The following ZNF652 variants were observed in gnomAD, a reference collection of about 807,000 sequenced individuals.
ZNF652 encodes the protein zinc finger protein 652.
A neutral mutation model predicts 45.2 loss-of-function variants in ZNF652; 16 were observed. The ratio of observed to expected loss-of-function variants is 0.35; its 90% CI spans 0.24 to 0.54. The LOEUF (loss-of-function observed/expected upper bound fraction) is 0.54. ZNF652 is among the 20% of genes least tolerant of loss of function. ZNF652 has a pLI of 0.91. For missense variants in ZNF652, 614 were observed against 765.6 expected (o/e 0.80, Z 2.34); for synonymous variants, 250 against 260.6 (o/e 0.96, Z 0.39).
chr17:49,312,063 A>C (rs751639529), intron 3 of ZNF652, 21 bp from the exon 4 acceptor site: 13 of 1,572,630 alleles, frequency 8.3e-6, no homozygotes, highest in Non-Finnish European at 9.6e-6. Context: ...GAATGTACTT[A>C]GTGTCAAAAC....
At position 49,317,539 on chromosome 17, in the gene ZNF652, C is replaced by A. The variant is rs1567923030; in HGVS notation, c.187G>T (p.Val63Leu). 1.9e-6 allele frequency: 3 copies of A among 1,614,132 alleles called. No homozygotes were observed. Among genetic ancestry groups the A allele is most frequent in the Non-Finnish European group, 2.5e-6 (3 of 1,180,012 alleles). ...TGCGGTTTGCTCATCTTGGTGTCCA[C>A]TAACACAGAATAAGGACTTCCTGAT... ...RESGSPYSVL[V>L]DTKMSKPHLH... Residue 63 changes from valine to leucine, a missense_variant, in exon 2 of 6, where the codon GTG becomes TTG. Physicochemically the swap from Val to Leu is conservative, Grantham distance 32. Around this residue, in one of 5 missense-constraint regions of ZNF652, gnomAD observed 133 missense variants for 132.2 expected, o/e 1.01. Coordinates refer to ENST00000430262, the MANE Select transcript of ZNF652 (RefSeq NM_001145365.3).
In ZNF652 at chr17:49,317,027, T is replaced by A. The variant is rs564117374; in HGVS notation, c.699A>T (p.Pro233=). 2.2e-5 allele frequency: 35 copies of A among 1,614,230 alleles called. No homozygotes were observed. The South Asian group carries it at 3.8e-4, about 18-fold the overall frequency. ...TCTCTTCACACTTAGCTTTCTGGAC[T>A]GGTGCTTTGGGCTCCTTTGTGGCCC... ...KKRATKEPKA[P]VQKAKCEEKE... Residue 233 remains proline (P), a synonymous_variant, in exon 2 of 6, where the codon CCA becomes CCT. Transcript: ENST00000430262.
chr17:49,304,169 G>T (rs1391608339), intron 5 of ZNF652, among the ~76,000 whole-genome samples: 2 of 150,984 alleles, frequency 1.3e-5, no homozygotes, highest in Non-Finnish European at 2.9e-5. Flanking sequence ...CAAAGTGCTG[G>T]GATTACAGGT....
chr17:49,315,514 A>G (rs557386410), intron 2 of ZNF652, among the ~76,000 whole-genome samples: 2 of 147,304 alleles, frequency 1.4e-5, no homozygotes, highest in African/African-American at 5.4e-5. Context: ...GTCACACACA[A>G]AAAGTATTTA....
chr17:49,337,260 C>T (rs775397398), intron 1 of ZNF652, among the ~76,000 whole-genome samples: 10 of 150,510 alleles, frequency 6.6e-5, no homozygotes, highest in Non-Finnish European at 1.5e-4. Flanking sequence ...CACTCGAGCC[C>T]GAGAGTTCCA....
chr17:49,321,573 CAG>C (rs2069893623), intron 1 of ZNF652, among the ~76,000 whole-genome samples: 1 of 151,926 alleles, frequency 6.6e-6, no homozygotes, highest in East Asian at 1.9e-4. Context: ...CCCAGCCACA[CAG>C]TGTGTTTTCA....
At chr17:49,311,059 G>A (rs1428856932) in intron 5 of ZNF652, among the ~76,000 whole-genome samples, 4 of 152,100 alleles carry the variant, frequency 2.6e-5, no homozygotes, top group African/African-American at 7.2e-5. Context: ...TGAACCCCAC[G>A]TAAAGACCCC....
rs796472635 is a variant in ZNF652 at position 49,347,356 on chromosome 17, G to C, written c.-259+14553C>G. Among the ~76,000 whole-genome samples the C allele has an allele frequency of 9.2e-5, 14 of 152,300 alleles. 1 individual carries two copies. The highest frequency in any genetic ancestry group is 3.4e-4 in the African/African-American group (14 of 41,562). On this transcript the variant is annotated intron_variant, in intron 1 of 5. Coordinates refer to ENST00000430262, the MANE Select transcript of ZNF652 (RefSeq NM_001145365.3). The stretch of plus-strand genomic sequence containing the variant: ...ACGATGTGTGGATTGCTTGAACTCA[G>C]GAGTTTCAGACTAGCCTGGGAAACA...
chr17:49,307,706 C>T lies in ZNF652; in HGVS notation c.1309+3606G>A, dbSNP rs1012546651. ...GGCAGAGGTCGCAGTGAGCTGAGATCGCACCACTGCACTCCAGCCTGGGCA... is the reference window on the plus strand; with the variant it reads ...GGCAGAGGTCGCAGTGAGCTGAGATTGCACCACTGCACTCCAGCCTGGGCA... On this transcript the variant is annotated intron_variant, in intron 5 of 5. Transcript: ENST00000430262. Among the ~76,000 whole-genome samples, 12 of 151,828 alleles carry T rather than the reference C, an allele frequency of 7.9e-5. 1 individual carries two copies. The highest frequency in any genetic ancestry group is 4.2e-4 in the South Asian group (2 of 4,802).
chr17:49,288,288 A>T (rs1011406924), downstream of ZNF652: 1 of 152,166 alleles, frequency 6.6e-6, no homozygotes, highest in African/African-American at 2.4e-5. Context: ...ATCTATGAAG[A>T]AACTGTGTTA....
intron 1 of ZNF652, among the ~76,000 whole-genome samples, chr17:49,318,730 T>A (rs547482597): frequency 6.6e-6 from 1 of 152,308 alleles, no homozygotes; most frequent in African/African-American, 2.4e-5. Flanking sequence ...TGGCTGACTT[T>A]CTTTCAACAT....
rs1008961389 is a variant in ZNF652 at position 49,294,229 on chromosome 17, A to T, written c.*4184T>A. Among the ~76,000 whole-genome samples, 13 of 152,326 alleles carry T rather than the reference A, an allele frequency of 8.5e-5. No individual in the cohort carries two copies. The highest frequency in any genetic ancestry group is 2.9e-4 in the African/African-American group (12 of 41,584). ...TCAGAGCATTTTGCTTTCGGTTAGT[A>T]TATGAGGGACAATCAAATTATAGGG... On this transcript the variant is annotated 3_prime_UTR_variant, in exon 6 of 6. Transcript: ENST00000430262.
At position 49,308,126 on chromosome 17, in the gene ZNF652, G is replaced by A. The variant is rs966388823; in HGVS notation, c.1309+3186C>T. ...TCTCTTGGTGGTATGATTTTACTTT[G>A]TTTGCAATTTTCATAGTTTCCCATA... On this transcript the variant is annotated intron_variant, in intron 5 of 5. Transcript: ENST00000430262. Among the ~76,000 whole-genome samples the A allele has an allele frequency of 4.0e-5, 6 of 151,888 alleles. No individual in the cohort carries two copies. The East Asian group carries it at 7.8e-4, about 20-fold the overall frequency.
Position 49,311,448 on chromosome 17 carries a change from G to A in ZNF652, c.1173C>T (p.Asp391=), listed in dbSNP as rs1299507977. 33 of 1,613,790 alleles carry A rather than the reference G, an allele frequency of 2.0e-5. No individual in the cohort carries two copies. Among genetic ancestry groups the A allele is most frequent in the Non-Finnish European group, 2.6e-5 (31 of 1,179,900 alleles). ...GCTGGTACTTGTACTGAAACCTTTC[G>A]TCACAGTTCTGCATTGGATACAGTG... ...GEKPFRCENC[D]ERFQYKYQLR... Residue 391 remains aspartate, a synonymous_variant, in exon 5 of 6, where the codon GAC becomes GAT. Coordinates refer to ENST00000430262, the MANE Select transcript of ZNF652 (RefSeq NM_001145365.3).
At position 49,290,209 on chromosome 17, in the gene ZNF652, G is replaced by A. The variant is rs1598272968; in HGVS notation, c.*8204C>T. 6.6e-6 allele frequency: 1 copy of A among 152,208 alleles called. No individual in the cohort carries two copies. Among genetic ancestry groups the A allele is most frequent in the Admixed American group, 6.5e-5 (1 of 15,268 alleles). The allele number at this position is 152,208 out of a possible 1,614,324, so 9.4% of individuals were successfully genotyped here. ...GAAATCAGTTAAGAAGGCCATTCCA[G>A]GTGTAAATGCCTCCCGGCTCTACAG... is the stretch of plus-strand genomic sequence containing the variant. On this transcript the variant is annotated 3_prime_UTR_variant, in exon 6 of 6. Coordinates refer to ENST00000430262, the MANE Select transcript of ZNF652 (RefSeq NM_001145365.3).
At chr17:49,316,355 T>G (rs914147414) in intron 2 of ZNF652, among the ~76,000 whole-genome samples, 2 of 152,234 alleles carry the variant, frequency 1.3e-5, no homozygotes, top group African/African-American at 4.8e-5. Context: ...GCAAACTCAC[T>G]GCTGAAGATC....
At chr17:49,343,349 A>G (rs188641283) in intron 1 of ZNF652, among the ~76,000 whole-genome samples, 76 of 152,354 alleles carry the variant, frequency 5.0e-4, no homozygotes, top group African/African-American at 1.7e-3. Flanking sequence ...CTTTTAGGAT[A>G]TAAGATAAAT....
intron 5 of ZNF652, among the ~76,000 whole-genome samples, chr17:49,309,199 A>C (rs2069673588): frequency 6.6e-6 from 1 of 151,694 alleles, no homozygotes; most frequent in Non-Finnish European, 1.5e-5. Context: ...TTCACAAAAA[A>C]CTTATGTTCT....
intron 5 of ZNF652, 52 bp from the exon 6 acceptor site, chr17:49,298,976 T>G (rs752336501): frequency 6.6e-6 from 10 of 1,514,154 alleles, no homozygotes; most frequent in East Asian, 2.3e-5. Flanking sequence ...GGTAATTGTG[T>G]GCTCAAGCTT....
Sources: allele counts gnomAD v4.1 joint callset (sites outside exome capture counted in the v4.1 genomes callset), GRCh38; gene constraint gnomAD v4.1.1; regional missense constraint gnomAD v4.1.1; transcripts MANE v1.5; gene names NCBI Gene and HGNC (gene_info 2026-07-23, HGNC 2026-07-21).